SHISA6: variants seen among roughly 807,000 people sequenced by gnomAD.
SHISA6 encodes the protein protein shisa-6.
SHISA6 carries 22 observed loss-of-function variants against 47.9 expected under a neutral mutation model. That is an observed-to-expected ratio of 0.46 (90% confidence interval 0.33 to 0.66). The LOEUF (loss-of-function observed/expected upper bound fraction) is 0.66, where lower values mean the gene tolerates loss of function less well. SHISA6 is among the 30% of genes least tolerant of loss of function. The probability of loss-of-function intolerance (pLI) is 0.02; values close to 1 mark genes in which losing one functional copy is unlikely to be tolerated. For synonymous variants in SHISA6, 388 were observed against 337.8 expected, an observed-to-expected ratio of 1.15 and a Z score of -1.63; for missense variants, 680 against 764.6, an observed-to-expected ratio of 0.89 and a Z score of 1.30.
chr17:11,381,774 C>T (rs1913017787), intron 3 of SHISA6, among the ~76,000 whole-genome samples: 1 of 152,190 alleles, frequency 6.6e-6, no homozygotes, highest in South Asian at 2.1e-4. Context: ...CTGCCCATGC[C>T]TGTGGGGCTG....
intron 3 of SHISA6, among the ~76,000 whole-genome samples, chr17:11,458,472 T>C (rs1434074249): frequency 6.6e-6 from 1 of 152,152 alleles, no homozygotes; most frequent in Admixed American, 6.5e-5. Context: ...GGAGTGATGA[T>C]TTCTGTCGCC....
At chr17:11,301,439 C>G (rs78763554) in intron 2 of SHISA6, among the ~76,000 whole-genome samples, 1,546 of 152,254 alleles carry the variant, frequency 0.01, 28 homozygotes, top group African/African-American at 0.035. Flanking sequence ...CTAATGAGCT[C>G]TAGTCCAAAT....
At chr17:11,270,319 C>G (rs1908591841) in intron 2 of SHISA6, among the ~76,000 whole-genome samples, 1 of 152,176 alleles carries the variant, frequency 6.6e-6, no homozygotes, top group Non-Finnish European at 1.5e-5. Flanking sequence ...TTTCTGATTG[C>G]CAAGTAGTGG....
Position 11,558,405 on chromosome 17 carries a change from G to A in SHISA6, c.*101G>A. On this transcript the variant is annotated 3_prime_UTR_variant, in exon 6 of 6. Transcript: ENST00000441885. ...TAGCCTTGCCACTCTCCCTTCCCTT[G>A]TCCCCTCTGTAGGAAGTGGGGGTGG... is the stretch of plus-strand genomic sequence containing the variant. 7.4e-7 allele frequency: 1 copy of A among 1,349,214 alleles called. No homozygotes were observed. Among genetic ancestry groups the A allele is most frequent in the Non-Finnish European group, 1.0e-6 (1 of 1,003,706 alleles). 83.6% of individuals were successfully genotyped at this position (1,349,214 alleles called of 1,614,324 possible).
At chr17:11,274,910 G>C (rs138134765) in intron 2 of SHISA6, among the ~76,000 whole-genome samples, 1 of 152,284 alleles carries the variant, frequency 6.6e-6, no homozygotes, top group African/African-American at 2.4e-5. Context: ...GATTGAATGG[G>C]CGAGGAGGAG....
intron 3 of SHISA6, among the ~76,000 whole-genome samples, chr17:11,542,349 G>A (rs75035800): frequency 2.2e-5 from 3 of 135,798 alleles, no homozygotes; most frequent in Non-Finnish European, 1.6e-5. Flanking sequence ...AAAAAAAAAA[G>A]CCTGTCAACC....
chr17:11,469,208 A>G (rs1915881157), intron 3 of SHISA6, among the ~76,000 whole-genome samples: 3 of 151,998 alleles, frequency 2.0e-5, no homozygotes, highest in Non-Finnish European at 4.4e-5. Context: ...AAGAGATATA[A>G]TATTGGAAGA....
At chr17:11,537,730 T>C (rs1050280762) in intron 3 of SHISA6, among the ~76,000 whole-genome samples, 3 of 152,212 alleles carry the variant, frequency 2.0e-5, no homozygotes, top group African/African-American at 7.2e-5. Context: ...CATTTACTTA[T>C]TTATTAATCA....
intron 2 of SHISA6, among the ~76,000 whole-genome samples, chr17:11,360,850 G>A (rs576352038): frequency 2.7e-4 from 40 of 150,586 alleles, no homozygotes; most frequent in African/African-American, 9.7e-4. Flanking sequence ...GGAAATTAAT[G>A]TGGAGCTTCC....
chr17:11,330,515 A>AGAGAGAGAGAGAG (rs201049267), intron 2 of SHISA6, among the ~76,000 whole-genome samples: 1 of 147,234 alleles, frequency 6.8e-6, no homozygotes, highest in African/African-American at 2.5e-5. Context: ...AGAGAGAGAG[A>AGAGAGAGAGAGAG]AGATTATAGA....
chr17:11,556,063 T>G (rs1160951684), intron 5 of SHISA6, among the ~76,000 whole-genome samples, 171 bp downstream of exon 5: 1 of 152,190 alleles, frequency 6.6e-6, no homozygotes, highest in Non-Finnish European at 1.5e-5. Context: ...TTGTTCCTTA[T>G]GGACTGAGCC....
chr17:11,520,291 A>G (rs554916609), intron 3 of SHISA6, among the ~76,000 whole-genome samples: 2 of 152,168 alleles, frequency 1.3e-5, no homozygotes, highest in Non-Finnish European at 2.9e-5. Context: ...TCCCCATCTC[A>G]GCAAAGGATG....
chr17:11,461,396 CAAAAAAAAA>C (rs778616587), intron 3 of SHISA6, among the ~76,000 whole-genome samples: 9 of 76,644 alleles, frequency 1.2e-4, no homozygotes, highest in African/African-American at 3.5e-4. Flanking sequence ...GACTCCATCT[CAAAAAAAAA>C]AAAAAAAAAA....
chr17:11,349,847 G>C (rs1444387238), intron 2 of SHISA6, among the ~76,000 whole-genome samples: 1 of 152,160 alleles, frequency 6.6e-6, no homozygotes, highest in Non-Finnish European at 1.5e-5. Flanking sequence ...ATCACGTGGA[G>C]AGTCAAAATG....
At chr17:11,552,282 T>C (rs188366323) in intron 4 of SHISA6, among the ~76,000 whole-genome samples, 2 of 152,346 alleles carry the variant, frequency 1.3e-5, no homozygotes, top group African/African-American at 4.8e-5. Flanking sequence ...CACCCTCCTT[T>C]GTTCAAAGCT....
chr17:11,300,522 G>T (rs80151479), intron 2 of SHISA6, among the ~76,000 whole-genome samples: 5,176 of 152,270 alleles, frequency 0.034, 131 homozygotes, highest in Middle Eastern at 0.088. Flanking sequence ...GCCATTTTCA[G>T]TTTTGATCTC....
At chr17:11,480,441 G>T (rs1916181197) in intron 3 of SHISA6, among the ~76,000 whole-genome samples, 1 of 152,132 alleles carries the variant, frequency 6.6e-6, no homozygotes, top group African/African-American at 2.4e-5. Flanking sequence ...GAATGAGTAG[G>T]TATTATCCAG....
At position 11,379,453 on chromosome 17, in the gene SHISA6, A is replaced by G; in HGVS notation, c.839A>G (p.Asp280Gly). ...GATGCTTACCGAAGTGGAGGACCTG[A>G]TCTCCATAACTTCATCTCATCTGGA... ...GKDAYRSGGP[D>G]LHNFISSGFV... The change falls in exon 3 of 6, where the codon GAT (aspartate) becomes GGT (glycine). Residue 280 changes from aspartate to glycine, a missense_variant. Coordinates refer to ENST00000441885, the MANE Select transcript of SHISA6 (RefSeq NM_207386.4). 1 of 1,542,656 alleles carries G rather than the reference A, an allele frequency of 6.5e-7. No individual in the cohort carries two copies. The highest frequency in any genetic ancestry group is 8.7e-7 in the Non-Finnish European group (1 of 1,143,176).
chr17:11,282,382 T>C (rs1164113542), intron 2 of SHISA6, among the ~76,000 whole-genome samples: 1 of 149,816 alleles, frequency 6.7e-6, no homozygotes, highest in Non-Finnish European at 1.5e-5. Context: ...GGATTTGGAC[T>C]AGATACGTGG....
Sources: gnomAD v4.1 joint callset for allele counts (sites outside exome capture counted in the v4.1 genomes callset) on GRCh38, gnomAD v4.1.1 for gene constraint, MANE v1.5 for transcripts, NCBI Gene and HGNC (gene_info 2026-07-23, HGNC 2026-07-21) for gene names.